The following UNC13C variants were observed in gnomAD, a reference collection of about 807,000 sequenced individuals.
UNC13C encodes unc-13 homolog C.
UNC13C carries 174 observed loss-of-function variants against 245.4 expected under a neutral mutation model. The ratio of observed to expected loss-of-function variants is 0.71; its 90% CI spans 0.63 to 0.80. The LOEUF is 0.80. UNC13C is among the 30% of genes least tolerant of loss of function. UNC13C has a pLI of 0.00. For synonymous variants in UNC13C, 992 were observed against 895.1 expected (o/e 1.11, Z -1.93); for missense variants, 2,829 against 2,602.9 (o/e 1.09, Z -1.89).
chr15:53,922,957 A>G, the UNC13C span, among the ~76,000 whole-genome samples: 1 of 152,202 alleles, frequency 6.6e-6, no homozygotes, highest in South Asian at 2.1e-4. Context: ...TAAGGTGATC[A>G]GTAGTTCTTG....
At chr15:53,848,826 T>C in the UNC13C span, among the ~76,000 whole-genome samples, 4 of 152,126 alleles carry the variant, frequency 2.6e-5, no homozygotes, top group African/African-American at 9.7e-5. Flanking sequence ...CGTTACTAGA[T>C]CATGCTTTTT....
chr15:54,458,622 C>T (rs1223930897), intron 19 of UNC13C, among the ~76,000 whole-genome samples: 2 of 145,604 alleles, frequency 1.4e-5, no homozygotes, highest in African/African-American at 5.1e-5. Flanking sequence ...ATTAGACTAA[C>T]CCTTTTATCA....
intron 2 of UNC13C, among the ~76,000 whole-genome samples, chr15:54,092,963 G>A (rs928988251): frequency 6.6e-6 from 1 of 152,104 alleles, no homozygotes; most frequent in Admixed American, 6.5e-5. Context: ...TCCTCTGAGA[G>A]AAAGGTGAAT....
chr15:54,555,446 A>G lies in UNC13C; in HGVS notation c.5892A>G (p.Arg1964=). ...QLSKLKEHMI[R]EDARGLTPRQ... ...CTGTTTTCCAGGAGCACATGATTCG[A>G]GAGGATGCCAGGGGTCTGACGCCAA... The change falls in exon 29 of 33, where the codon CGA becomes CGG. Residue 1964 remains arginine (R), a synonymous_variant. Coordinates refer to ENST00000260323, the MANE Select transcript of UNC13C (RefSeq NM_001080534.3). The G allele has an allele frequency of 6.2e-7, 1 of 1,612,426 alleles. No homozygotes were observed. Among genetic ancestry groups the G allele is most frequent in the Non-Finnish European group, 8.5e-7 (1 of 1,179,026 alleles).
intron 30 of UNC13C, among the ~76,000 whole-genome samples, chr15:54,579,777 A>C (rs1898121979): frequency 6.6e-6 from 1 of 152,136 alleles, no homozygotes; most frequent in Non-Finnish European, 1.5e-5. Flanking sequence ...AAAAAACAAG[A>C]AAAACTTTAG....
chr15:54,597,256 C>T (rs539390160), intron 30 of UNC13C, among the ~76,000 whole-genome samples: 30 of 152,234 alleles, frequency 2.0e-4, no homozygotes, highest in Non-Finnish European at 3.1e-4. Context: ...GGCCACAGAC[C>T]GGTATCATTC....
intron 1 of UNC13C, among the ~76,000 whole-genome samples, chr15:54,002,883 A>T (rs998730346): frequency 2.6e-5 from 4 of 152,324 alleles, no homozygotes; most frequent in South Asian, 2.1e-4. Context: ...TGATTGCTAT[A>T]GAGGAAAGGC....
chr15:54,543,883 C>T (rs1404443178), intron 26 of UNC13C, among the ~76,000 whole-genome samples: 1 of 152,164 alleles, frequency 6.6e-6, no homozygotes, highest in Non-Finnish European at 1.5e-5. Flanking sequence ...GGAGCTGATA[C>T]TATTCCTTCT....
chr15:54,342,513 A>T (rs2038758607), intron 17 of UNC13C, among the ~76,000 whole-genome samples: 1 of 151,786 alleles, frequency 6.6e-6, no homozygotes, highest in South Asian at 2.1e-4. Context: ...GTGATCTATG[A>T]TTGCTCCACT....
the UNC13C span, among the ~76,000 whole-genome samples, chr15:53,870,440 A>G: frequency 1.7e-3 from 211 of 123,568 alleles, 1 homozygote; most frequent in Non-Finnish European, 2.1e-3. Context: ...CCACCCCCAC[A>G]CTGGCTGGAG....
intron 19 of UNC13C, among the ~76,000 whole-genome samples, chr15:54,481,910 G>T (rs1431078632): frequency 6.6e-6 from 1 of 152,110 alleles, no homozygotes; most frequent in East Asian, 1.9e-4. Flanking sequence ...CTCTCCTCAG[G>T]TCCCAGGATG....
intron 17 of UNC13C, among the ~76,000 whole-genome samples, chr15:54,365,350 C>T (rs2039340733): frequency 1.3e-5 from 2 of 152,056 alleles, no homozygotes; most frequent in African/African-American, 4.8e-5. Flanking sequence ...TGCACAAGGT[C>T]CCTGAATTTA....
rs1189863547 is a variant in UNC13C at position 54,627,607 on chromosome 15, TTTTTGCATACACATTAAAATAG to T, written c.*495_*516del. ...AATTTTATAGTCGCAGATATTGTGATTTTTGCATACACATTAAAATAGAAAAGGTGGGAAATATTTTCTGCTG... is the reference window on the plus strand; with the variant it reads ...AATTTTATAGTCGCAGATATTGTGATAAAAGGTGGGAAATATTTTCTGCTG... On this transcript the variant is annotated 3_prime_UTR_variant, in exon 33 of 33. Transcript: ENST00000260323. 1.3e-5 allele frequency: 2 copies of T among 152,934 alleles called. No homozygotes were observed. Among genetic ancestry groups the T allele is most frequent in the East Asian group, 3.8e-4 (2 of 5,202 alleles). 9.5% of individuals were successfully genotyped at this position (152,934 alleles called of 1,614,324 possible). A position where few individuals can be genotyped will look rare whatever the true frequency, so the allele number is the denominator to read the frequency against.
intron 19 of UNC13C, among the ~76,000 whole-genome samples, chr15:54,450,919 A>G (rs956272146): frequency 6.6e-6 from 1 of 152,150 alleles, no homozygotes; most frequent in Admixed American, 6.6e-5. Context: ...GAACCACCCA[A>G]GAGTTTCTTT....
chr15:54,536,858 A>G (rs928218894), intron 26 of UNC13C, among the ~76,000 whole-genome samples: 6 of 152,090 alleles, frequency 3.9e-5, no homozygotes, highest in Admixed American at 1.3e-4. Flanking sequence ...TCTATGACAA[A>G]CCCACAACCA....
chr15:53,986,260 G>A (rs745653411), intron 1 of UNC13C, among the ~76,000 whole-genome samples: 5 of 152,034 alleles, frequency 3.3e-5, no homozygotes, highest in Non-Finnish European at 7.4e-5. Context: ...GAAATGGGGA[G>A]GGAATGCCAA....
chr15:53,891,501 T>C, the UNC13C span, among the ~76,000 whole-genome samples: 1 of 152,186 alleles, frequency 6.6e-6, no homozygotes, highest in African/African-American at 2.4e-5. Flanking sequence ...GGAGTCTAAG[T>C]CTGTAGGTCT....
intron 2 of UNC13C, chr15:54,048,548 A>G (rs2141047813): frequency 4.0e-6 from 2 of 504,162 alleles, no homozygotes; most frequent in Non-Finnish European, 7.6e-6. Flanking sequence ...CTTTAAATGG[A>G]AGACTTTTTA....
chr15:54,284,636 C>CAG (rs1267678117), intron 10 of UNC13C, among the ~76,000 whole-genome samples: 2 of 152,080 alleles, frequency 1.3e-5, no homozygotes, highest in Non-Finnish European at 2.9e-5. Context: ...TGCACACACA[C>CAG]ACACACACAC....
Sources: gnomAD v4.1 joint callset for allele counts (sites outside exome capture counted in the v4.1 genomes callset) on GRCh38, gnomAD v4.1.1 for gene constraint, MANE v1.5 for transcripts, NCBI Gene and HGNC (gene_info 2026-07-23, HGNC 2026-07-21) for gene names.